Variants in ZDHHC19 observed in about 807,000 individuals in gnomAD.
The protein encoded by ZDHHC19 is palmitoyltransferase ZDHHC19.
A neutral mutation model predicts 33.9 loss-of-function variants in ZDHHC19; 30 were observed. That is an observed-to-expected ratio of 0.88 (90% confidence interval 0.66 to 1.20). ZDHHC19 has a LOEUF of 1.20. Among genes scored for constraint, ZDHHC19 ranks in the 50% most tolerant of loss-of-function variants. The pLI is 0.00. For missense variants in ZDHHC19, 364 were observed against 401.1 expected (o/e 0.91, Z 0.79); for synonymous variants, 178 against 167.6 (o/e 1.06, Z -0.48).
At position 196,207,397 on chromosome 3, in the gene ZDHHC19, C is replaced by A. The variant is rs893795767; in HGVS notation, c.687+1G>T. On this transcript the variant is annotated splice_donor_variant, in intron 5 of 7. Coordinates refer to ENST00000296326, the MANE Select transcript of ZDHHC19 (RefSeq NM_001039617.2). LOFTEE classifies it high-confidence loss of function. ...AGCTGACCACCCGCGGCCCCGCGTACCTTGCCCTTGTAGGTGCGGTCGGCC... is the reference window on the plus strand; with the variant it reads ...AGCTGACCACCCGCGGCCCCGCGTAACTTGCCCTTGTAGGTGCGGTCGGCC... 9.0e-6 allele frequency: 14 copies of A among 1,557,052 alleles called. No individual in the cohort carries two copies. The highest frequency in any genetic ancestry group is 1.2e-5 in the Non-Finnish European group (14 of 1,151,266).
At chr3:196,199,909 C>T (rs928592277) in intron 5 of ZDHHC19, among the ~76,000 whole-genome samples, 6 of 151,874 alleles carry the variant, frequency 4.0e-5, no homozygotes, top group African/African-American at 1.5e-4. Flanking sequence ...CATGCCACTG[C>T]ACTCCAGCCT....
At chr3:196,210,084 G>C (rs1019385035) in intron 2 of ZDHHC19, among the ~76,000 whole-genome samples, 1 of 152,088 alleles carries the variant, frequency 6.6e-6, no homozygotes, top group Non-Finnish European at 1.5e-5. Context: ...CCAGCTACTT[G>C]GGAGGCTGAG....
intron 5 of ZDHHC19, among the ~76,000 whole-genome samples, chr3:196,201,552 G>C (rs993791181): frequency 6.6e-6 from 1 of 151,630 alleles, no homozygotes; most frequent in African/African-American, 2.4e-5. Context: ...GAAGAACCCG[G>C]TCTACTAAAA....
chr3:196,207,464 C>A lies in ZDHHC19; in HGVS notation c.621G>T (p.Pro207=), dbSNP rs1347118832. 3 of 1,574,140 alleles carry A rather than the reference C, an allele frequency of 1.9e-6. No individual in the cohort carries two copies. The highest frequency in any genetic ancestry group is 4.7e-5 in the East Asian group (2 of 42,554). The change falls in exon 5 of 8, where the codon CCG becomes CCT. Residue 207 remains proline (P), a synonymous_variant. Transcript: ENST00000296326. ...VAVSAAGLLV[P]LSLLLLIQAL... is the part of the protein sequence containing the mutation. ...CCTGGATCAGCAGCAGGAGGGACAGCGGCACCAGGAGGCCCGCGGCGGACA... is the reference window on the plus strand; with the variant it reads ...CCTGGATCAGCAGCAGGAGGGACAGAGGCACCAGGAGGCCCGCGGCGGACA...
intron 5 of ZDHHC19, among the ~76,000 whole-genome samples, chr3:196,200,639 C>T (rs889385211): frequency 1.4e-5 from 2 of 147,716 alleles, no homozygotes; most frequent in Admixed American, 6.8e-5. Context: ...CAAGCGTGAG[C>T]CACCACGCCT....
chr3:196,198,708 G>T, intron 6 of ZDHHC19, 81 bp downstream of exon 6: 1 of 1,605,744 alleles, frequency 6.2e-7, no homozygotes, highest in Non-Finnish European at 8.5e-7. Context: ...AGGGCCTGGG[G>T]CTGTGGTAAG....
At chr3:196,200,499 T>A (rs9881540) in intron 5 of ZDHHC19, among the ~76,000 whole-genome samples, 8 of 148,440 alleles carry the variant, frequency 5.4e-5, no homozygotes, top group East Asian at 4.0e-4. Context: ...GGATTACAGG[T>A]GCTCGCCACC....
At chr3:196,210,255 GAAAGAAAGAAAAGA>G (rs1723115721) in intron 2 of ZDHHC19, among the ~76,000 whole-genome samples, 1 of 115,688 alleles carries the variant, frequency 8.6e-6, no homozygotes. Context: ...GAAAGAAAAA[GAAAGAAAGAAAAGA>G]GAAAGAAAGA....
intron 5 of ZDHHC19, among the ~76,000 whole-genome samples, chr3:196,202,699 T>C (rs937874741): frequency 7.9e-5 from 12 of 152,194 alleles, no homozygotes; most frequent in African/African-American, 2.2e-4. Context: ...CTCAAGCTGC[T>C]GTGTGCGGTC....
At chr3:196,207,639 CCCTGG>C (rs1263467695) in intron 4 of ZDHHC19, 136 bp from the exon 5 acceptor site, 10 of 53,304 alleles carry the variant, frequency 1.9e-4, no homozygotes, top group African/African-American at 4.6e-4. Flanking sequence ...CCCGCCCCGC[CCCTGG>C]CCCCGCCCCC....
rs1004678183 is a variant in ZDHHC19, at chr3:196,200,805, T to C, written c.688-1931A>G. On this transcript the variant is annotated intron_variant, in intron 5 of 7. Transcript: ENST00000296326. Reference sequence around the variant, plus strand: ...CTGAGACTACAGGCATGCACCACTATGCCCAGCCAATTTTTAATTTTTTTT... The same window carrying C: ...CTGAGACTACAGGCATGCACCACTACGCCCAGCCAATTTTTAATTTTTTTT... Among the ~76,000 whole-genome samples, 3 of 149,754 alleles carry C rather than the reference T, an allele frequency of 2.0e-5. 1 individual carries two copies. The highest frequency in any genetic ancestry group is 7.5e-5 in the African/African-American group (3 of 39,904).
At chr3:196,199,219 G>C (rs939891) in intron 5 of ZDHHC19, 234,826 of 281,324 alleles carry the variant, frequency 0.83, 98,816 homozygotes, top group East Asian at 0.96. Context: ...AGGCCAAGTC[G>C]TCCCCTGGGC....
intron 5 of ZDHHC19, among the ~76,000 whole-genome samples, chr3:196,207,181 C>G (rs1385374985): frequency 6.6e-6 from 1 of 152,188 alleles, no homozygotes; most frequent in Non-Finnish European, 1.5e-5. Flanking sequence ...TCAAAGAATC[C>G]AAACCGCCTA....
intron 5 of ZDHHC19, among the ~76,000 whole-genome samples, chr3:196,205,565 C>T (rs1722665818): frequency 6.6e-6 from 1 of 152,160 alleles, no homozygotes; most frequent in South Asian, 2.1e-4. Context: ...GTGGTGGTGG[C>T]TGCAGGACTG....
intron 1 of ZDHHC19, among the ~76,000 whole-genome samples, 188 bp from the exon 2 acceptor site, chr3:196,210,925 C>T (rs1206869538): frequency 1.3e-5 from 2 of 152,196 alleles, no homozygotes; most frequent in Non-Finnish European, 2.9e-5. Context: ...CCCAAAGCTC[C>T]CAAAATGCAC....
chr3:196,206,425 T>C (rs1229968316), intron 5 of ZDHHC19, among the ~76,000 whole-genome samples: 1 of 151,612 alleles, frequency 6.6e-6, no homozygotes, highest in East Asian at 2.0e-4. Context: ...CACAGCTCAC[T>C]GACTGCAGCC....
At position 196,203,825 on chromosome 3, in the gene ZDHHC19, G is replaced by T. The variant is rs957402632; in HGVS notation, c.687+3573C>A. Among the ~76,000 whole-genome samples, 2 of 152,174 alleles carry T rather than the reference G, an allele frequency of 1.3e-5. No individual in the cohort carries two copies. The highest frequency in any genetic ancestry group is 3.8e-4 in the East Asian group (2 of 5,198). On this transcript the variant is annotated intron_variant, in intron 5 of 7. Coordinates refer to ENST00000296326, the MANE Select transcript of ZDHHC19 (RefSeq NM_001039617.2). This position sits in a 1 kb window ranked among gnomAD's most constrained non-coding sequence, Gnocchi z 4.3. ...AGGGCGGAGCTGGGGAGTCACAGGTGGGGGAGCCAAATATGGGTGTGGTGG... is the reference window on the plus strand; with the variant it reads ...AGGGCGGAGCTGGGGAGTCACAGGTTGGGGAGCCAAATATGGGTGTGGTGG...
At chr3:196,211,130 C>T (rs1256786859) in intron 1 of ZDHHC19, 40 bp downstream of exon 1, 1 of 1,613,602 alleles carries the variant, frequency 6.2e-7, no homozygotes, top group Non-Finnish European at 8.5e-7. Flanking sequence ...CCCTGGCTGT[C>T]TCTTTGTGGG....
intron 5 of ZDHHC19, among the ~76,000 whole-genome samples, chr3:196,205,798 T>G (rs571779395): frequency 6.6e-6 from 1 of 152,212 alleles, no homozygotes; most frequent in East Asian, 1.9e-4. Context: ...TAGCTGGGAT[T>G]ACAGGCACAT....
Sources: allele counts gnomAD v4.1 joint callset (sites outside exome capture counted in the v4.1 genomes callset), GRCh38; gene constraint gnomAD v4.1.1; non-coding constraint Gnocchi (gnomAD v3.1); transcripts MANE v1.5; gene names NCBI Gene and HGNC (gene_info 2026-07-23, HGNC 2026-07-21).